Variants in CLEC12A observed in about 807,000 individuals in gnomAD.
CLEC12A encodes the protein C-type lectin domain family 12 member A.
CLEC12A carries 22 observed loss-of-function variants against 26.5 expected under a neutral mutation model. That is an observed-to-expected ratio of 0.83 (90% CI 0.59 to 1.19). The LOEUF (loss-of-function observed/expected upper bound fraction) is 1.19. CLEC12A is among the 50% of genes most tolerant of loss of function. The pLI is 0.00. For synonymous variants in CLEC12A, 119 were observed against 101.9 expected, an observed-to-expected ratio of 1.17 and a Z score of -1.01; for missense variants, 353 against 315.6, an observed-to-expected ratio of 1.12 and a Z score of -0.90.
At chr12:10,002,215 A>G in the CLEC12A span, among the ~76,000 whole-genome samples, 1 of 152,262 alleles carries the variant, frequency 6.6e-6, no homozygotes, top group South Asian at 2.1e-4. Context: ...TCCTGATGAA[A>G]TTGAATTTAA....
At chr12:9,968,130 A>T (rs945508605), upstream of CLEC12A, among the ~76,000 whole-genome samples, 4 of 152,206 alleles carry the variant, frequency 2.6e-5, no homozygotes, top group Non-Finnish European at 4.4e-5. Context: ...ACTGGATTTA[A>T]AATTGGTGAG....
intron 1 of CLEC12A, chr12:9,952,003 A>G (rs1488799206): frequency 1.3e-5 from 2 of 151,786 alleles, no homozygotes; most frequent in African/African-American, 4.9e-5. Flanking sequence ...AGGCCTGATT[A>G]GTATGTGCTG....
downstream of CLEC12A, among the ~76,000 whole-genome samples, chr12:9,986,811 C>CA (rs962196783): frequency 6.6e-6 from 1 of 151,172 alleles, no homozygotes; most frequent in Non-Finnish European, 1.5e-5. Flanking sequence ...ATTCCATCTC[C>CA]AAAAAAAATT....
intron 1 of CLEC12A, among the ~76,000 whole-genome samples, chr12:9,972,943 T>C (rs959051905): frequency 2.6e-5 from 4 of 152,126 alleles, no homozygotes; most frequent in East Asian, 1.9e-4. Flanking sequence ...TCTCACACCC[T>C]TTCCCACCTC....
chr12:9,979,377 CT>C lies in CLEC12A; in HGVS notation c.233del (p.Leu78HisfsTer16). On this transcript the variant is annotated frameshift_variant, in exon 3 of 6. Coordinates refer to ENST00000304361, the MANE Select transcript of CLEC12A (RefSeq NM_138337.6). LOFTEE classifies it high-confidence loss of function. The stretch of plus-strand genomic sequence containing the variant: ...GATAGAAATGAAAAAAATGAACAAA[CT>C]ACAAAACATCAGTGAAGAGCTCCAG... Reference protein sequence around the residue: ...LKIEMKKMNKLQNISEELQRN... With the variant: ...LKIEMKKMNKXQNISEELQRN... The C allele has an allele frequency of 6.2e-7, 1 of 1,605,978 alleles. No homozygotes were observed.
chr12:9,973,022 T>A (rs1864187588), intron 1 of CLEC12A, among the ~76,000 whole-genome samples: 1 of 152,208 alleles, frequency 6.6e-6, no homozygotes, highest in Non-Finnish European at 1.5e-5. Context: ...ATTGAATCCA[T>A]GTCTTCTTCA....
At chr12:9,987,241 C>G (rs1340487474), downstream of CLEC12A, among the ~76,000 whole-genome samples, 1 of 152,158 alleles carries the variant, frequency 6.6e-6, no homozygotes, top group Non-Finnish European at 1.5e-5. Context: ...GTATTTTCTC[C>G]TAATATCCCC....
At chr12:9,953,972 G>T (rs1424953548) in intron 1 of CLEC12A, among the ~76,000 whole-genome samples, 2 of 148,314 alleles carry the variant, frequency 1.3e-5, no homozygotes, top group African/African-American at 2.5e-5. Flanking sequence ...GATTAAGGGC[G>T]GTGCAAGATG....
At chr12:9,983,138 T>A (rs564592754) in intron 5 of CLEC12A, among the ~76,000 whole-genome samples, 3 of 152,262 alleles carry the variant, frequency 2.0e-5, no homozygotes, top group South Asian at 2.1e-4. Context: ...GTCTTTTTTT[T>A]AATATAATAA....
At chr12:10,003,206 A>G in the CLEC12A span, among the ~76,000 whole-genome samples, 40 of 152,370 alleles carry the variant, frequency 2.6e-4, no homozygotes, top group African/African-American at 8.2e-4. Context: ...TGGTAATGGT[A>G]GGATTTCCTG....
At chr12:9,951,843 A>T (rs1863616235) in intron 1 of CLEC12A, 1 of 169,558 alleles carries the variant, frequency 5.9e-6, no homozygotes. Flanking sequence ...CTCTACCCGT[A>T]TCACGCTGAA....
rs144231894 is a variant in CLEC12A at position 9,972,086 on chromosome 12, T to C, written c.91+399T>C. On this transcript the variant is annotated intron_variant, in intron 1 of 5. Transcript: ENST00000304361. ...TTTTTTTTTTTATAAGAAAATGCTT[T>C]GTGTCAGACAGAGAGACCTTTATAG... Among the ~76,000 whole-genome samples, 51 of 151,868 alleles carry C rather than the reference T, an allele frequency of 3.4e-4. 1 individual carries two copies. The highest frequency in any genetic ancestry group is 1.2e-3 in the African/African-American group (48 of 41,466).
Position 9,959,987 on chromosome 12 carries a change from C to A in CLEC12A, c.10+8631C>A, listed in dbSNP as rs148864420. ...CAGACTTCATTTCTGTATGGACTTGCCTCTTCCCTGTTTGAAACCAGGGAA... is the reference window on the plus strand; with the variant it reads ...CAGACTTCATTTCTGTATGGACTTGACTCTTCCCTGTTTGAAACCAGGGAA... On this transcript the variant is annotated intron_variant, in intron 1 of 6. Coordinates refer to the CLEC12A transcript ENST00000355690. 4.7e-3 allele frequency among the ~76,000 whole-genome samples: 711 copies of A among 152,298 alleles called. 6 individuals carry two copies. The highest frequency in any genetic ancestry group is 0.029 in the South Asian group (138 of 4,830).
chr12:9,974,159 C>T (rs1157838422), intron 1 of CLEC12A, among the ~76,000 whole-genome samples: 1 of 152,162 alleles, frequency 6.6e-6, no homozygotes, highest in Non-Finnish European at 1.5e-5. Flanking sequence ...TCCATTACTT[C>T]ACTTCCCTGC....
intron 1 of CLEC12A, among the ~76,000 whole-genome samples, chr12:9,958,617 A>G (rs1175688831): frequency 6.6e-6 from 1 of 152,236 alleles, no homozygotes; most frequent in Non-Finnish European, 1.5e-5. Flanking sequence ...CTGGATTGTA[A>G]CAAAAGCCCA....
At chr12:9,955,469 A>C (rs1371895884) in intron 1 of CLEC12A, among the ~76,000 whole-genome samples, 1 of 152,194 alleles carries the variant, frequency 6.6e-6, no homozygotes, top group South Asian at 2.1e-4. Flanking sequence ...AATAGCTTTG[A>C]TATCTCTTTT....
chr12:9,979,435 T>TG lies in CLEC12A; in HGVS notation c.291dup (p.Asn98GlufsTer23), dbSNP rs1864464307. The TG allele has an allele frequency of 8.7e-6, 14 of 1,612,978 alleles. No homozygotes were observed. The highest frequency in any genetic ancestry group is 1.2e-5 in the Non-Finnish European group (14 of 1,179,308). ...ATTTCTCTACAACTGATGAGTAACA[T>TG]GAATATCTCCAACAAGATCAGGAAC... On this transcript the variant is annotated frameshift_variant, in exon 3 of 6. Coordinates refer to ENST00000304361, the MANE Select transcript of CLEC12A (RefSeq NM_138337.6). LOFTEE classifies it high-confidence loss of function.
chr12:9,991,742 G>A (rs563194539), intron 4 of CLEC12A: 12 of 152,126 alleles, frequency 7.9e-5, no homozygotes, highest in African/African-American at 2.9e-4. Context: ...TACATACTTG[G>A]TATTCTGATC....
exon 5 of CLEC12A, chr12:9,995,340 T>C: frequency 9.9e-7 from 1 of 1,013,444 alleles, no homozygotes; most frequent in Non-Finnish European, 1.6e-6. Flanking sequence ...GGACAAAAAA[T>C]GTTGGATTAC....
Sources: allele counts gnomAD v4.1 joint callset (sites outside exome capture counted in the v4.1 genomes callset), GRCh38; gene constraint gnomAD v4.1.1; transcripts MANE v1.5; gene names NCBI Gene and HGNC (gene_info 2026-07-23, HGNC 2026-07-21).